ZBBX: variants seen among roughly 807,000 people sequenced by gnomAD.
The protein encoded by ZBBX is zinc finger B-box domain-containing protein 1.
ZBBX carries 101 observed loss-of-function variants against 108.5 expected under a neutral mutation model. That is an observed-to-expected ratio of 0.93 (90% CI 0.79 to 1.10). The LOEUF is 1.10. Among genes scored for constraint, ZBBX ranks in the 50% least tolerant of loss-of-function variants. ZBBX has a pLI of 0.00. For synonymous variants in ZBBX, 356 were observed against 323.4 expected, an observed-to-expected ratio of 1.10 and a Z score of -1.08; for missense variants, 1,009 against 941.4, an observed-to-expected ratio of 1.07 and a Z score of -0.94.
At chr3:167,326,588 T>C (rs1216484950) in intron 11 of ZBBX, among the ~76,000 whole-genome samples, 7 of 151,984 alleles carry the variant, frequency 4.6e-5, no homozygotes, top group East Asian at 1.9e-4. Context: ...AGAATTTCTA[T>C]AGAATAATTA....
chr3:167,347,289 T>C (rs1741639611), intron 9 of ZBBX, among the ~76,000 whole-genome samples: 1 of 152,000 alleles, frequency 6.6e-6, no homozygotes. Flanking sequence ...GACATACATA[T>C]ACATGTAAAA....
chr3:167,202,706 C>T, the ZBBX span, among the ~76,000 whole-genome samples: 2 of 151,968 alleles, frequency 1.3e-5, no homozygotes, highest in East Asian at 1.9e-4. Context: ...ATGGGCATGC[C>T]GTCATAGCAG....
rs1409810034 is a variant in ZBBX, at chr3:167,295,770, G to C, written c.1879+2535C>G. Reference sequence around the variant, plus strand: ...ATATATATATATATAAAAAAAACTAGTAAGGAGATTAAATCTGTTAACAAA... The same window carrying C: ...ATATATATATATATAAAAAAAACTACTAAGGAGATTAAATCTGTTAACAAA... On this transcript the variant is annotated intron_variant, in intron 18 of 21. Coordinates refer to ENST00000675490, the MANE Select transcript of ZBBX (RefSeq NM_001199201.2). 9.5e-5 allele frequency among the ~76,000 whole-genome samples: 10 copies of C among 105,064 alleles called. 2 individuals are homozygous for C. The highest frequency in any genetic ancestry group is 3.4e-4 in the African/African-American group (9 of 26,534). The allele number at this position is 105,064 out of a possible 152,430, so 68.9% of individuals were successfully genotyped here.
the ZBBX span, among the ~76,000 whole-genome samples, chr3:167,217,930 G>T: frequency 6.9e-6 from 1 of 144,538 alleles, no homozygotes; most frequent in Non-Finnish European, 1.5e-5. Flanking sequence ...TCGCTCTGTC[G>T]CCCAGGCTGG....
intron 19 of ZBBX, among the ~76,000 whole-genome samples, chr3:167,284,179 C>CATATATATATATATATATAT (rs202245834): frequency 2.6e-5 from 3 of 117,606 alleles, no homozygotes; most frequent in Non-Finnish European, 5.0e-5. Context: ...GTGTTAAAAA[C>CATATATATATATATATATAT]ATATATCTAT....
upstream of ZBBX, among the ~76,000 whole-genome samples, chr3:167,383,618 C>T (rs1243873935): frequency 6.6e-6 from 1 of 151,962 alleles, no homozygotes; most frequent in Non-Finnish European, 1.5e-5. Flanking sequence ...ATTTTCATAA[C>T]ACAAGGCAAT....
the ZBBX span, among the ~76,000 whole-genome samples, chr3:167,200,817 G>A: frequency 7.9e-5 from 12 of 152,120 alleles, no homozygotes; most frequent in Admixed American, 7.9e-4. Context: ...TGCCATCAAA[G>A]TGTGCCACAA....
intron 20 of ZBBX, among the ~76,000 whole-genome samples, chr3:167,271,602 A>G (rs1239287435): frequency 1.3e-5 from 2 of 152,332 alleles, no homozygotes; most frequent in South Asian, 2.1e-4. Flanking sequence ...GGGGACCCAA[A>G]GCCATGTGTG....
chr3:167,352,670 A>C lies in ZBBX; in HGVS notation c.433-2155T>G, dbSNP rs765250978. On this transcript the variant is annotated intron_variant, in intron 8 of 21. Coordinates refer to ENST00000675490, the MANE Select transcript of ZBBX (RefSeq NM_001199201.2). ...TGCTACCAAAGCCAGGCAAGGACACAATAAAACTTAAGAGTCCAATACCAT... is the reference window on the plus strand; with the variant it reads ...TGCTACCAAAGCCAGGCAAGGACACCATAAAACTTAAGAGTCCAATACCAT... Among the ~76,000 whole-genome samples the C allele has an allele frequency of 7.0e-4, 106 of 152,144 alleles. 2 individuals are homozygous for C. The highest frequency in any genetic ancestry group is 1.3e-3 in the Non-Finnish European group (85 of 67,986).
At position 167,240,648 on chromosome 3, in the gene ZBBX, A is replaced by T; in HGVS notation, c.*145T>A. 1.1e-6 allele frequency: 1 copy of T among 873,606 alleles called. No homozygotes were observed. The highest frequency in any genetic ancestry group is 1.7e-6 in the Non-Finnish European group (1 of 587,798). The allele number at this position is 873,606 out of a possible 1,614,324, so 54.1% of individuals were successfully genotyped here. A position where few individuals can be genotyped will look rare whatever the true frequency, so the allele number is the denominator to read the frequency against. ...AATAAGCCCTTGAACTTATAATTTTACTTTTATTAGTTTGTAGCCTTGAAA... is the reference window on the plus strand; with the variant it reads ...AATAAGCCCTTGAACTTATAATTTTTCTTTTATTAGTTTGTAGCCTTGAAA... On this transcript the variant is annotated 3_prime_UTR_variant, in exon 22 of 22. Transcript: ENST00000675490.
the ZBBX span, among the ~76,000 whole-genome samples, chr3:167,194,805 C>T: frequency 6.6e-6 from 1 of 152,108 alleles, no homozygotes; most frequent in African/African-American, 2.4e-5. Context: ...TGTAGTTTGA[C>T]CTACAAGACT....
chr3:167,401,419 G>C (rs963723560), intron 1 of ZBBX: 1 of 152,118 alleles, frequency 6.6e-6, no homozygotes, highest in African/African-American at 2.4e-5. Context: ...ATAGAGTAAA[G>C]TGAAAGCAAG....
intron 20 of ZBBX, among the ~76,000 whole-genome samples, chr3:167,257,030 C>CT (rs778505977): frequency 5.3e-5 from 8 of 152,088 alleles, no homozygotes; most frequent in Admixed American, 1.3e-4. Flanking sequence ...CTATTTTTAA[C>CT]TTTTTAAGGA....
chr3:167,193,359 A>G, the ZBBX span, among the ~76,000 whole-genome samples: 2 of 152,216 alleles, frequency 1.3e-5, no homozygotes, highest in Non-Finnish European at 2.9e-5. Context: ...CTTTCACCAC[A>G]TTCTGTTGCT....
intron 9 of ZBBX, among the ~76,000 whole-genome samples, chr3:167,336,588 C>T (rs1175736912): frequency 6.6e-6 from 1 of 152,070 alleles, no homozygotes; most frequent in Non-Finnish European, 1.5e-5. Context: ...TACAAAATGT[C>T]GTGACTTGAA....
intron 18 of ZBBX, among the ~76,000 whole-genome samples, chr3:167,296,237 A>G (rs1388002702): frequency 6.6e-6 from 1 of 152,076 alleles, no homozygotes; most frequent in East Asian, 1.9e-4. Flanking sequence ...AACTAGGAAT[A>G]AAAGGGAAAT....
At chr3:167,238,415 C>A (rs879525502), downstream of ZBBX, among the ~76,000 whole-genome samples, 1 of 151,936 alleles carries the variant, frequency 6.6e-6, no homozygotes, top group Admixed American at 6.6e-5. Context: ...TTATTGTCCA[C>A]GTTTGTTAAT....
intron 21 of ZBBX, among the ~76,000 whole-genome samples, chr3:167,241,674 G>C (rs978529192): frequency 6.6e-6 from 1 of 152,102 alleles, no homozygotes; most frequent in African/African-American, 2.4e-5. Flanking sequence ...GAGCCCAGGA[G>C]TTTCAGACCT....
At chr3:167,211,689 C>T in the ZBBX span, among the ~76,000 whole-genome samples, 1 of 152,104 alleles carries the variant, frequency 6.6e-6, no homozygotes, top group Admixed American at 6.5e-5. Flanking sequence ...TCCCCCAGCA[C>T]AGCACAGTTG....
Sources: gnomAD v4.1 joint callset for allele counts (sites outside exome capture counted in the v4.1 genomes callset) on GRCh38, gnomAD v4.1.1 for gene constraint, MANE v1.5 for transcripts, NCBI Gene and HGNC (gene_info 2026-07-23, HGNC 2026-07-21) for gene names.